RHOJ: variants seen among roughly 807,000 people sequenced by gnomAD.
RHOJ encodes the protein ras homolog family member J.
In RHOJ, 11 loss-of-function variants were observed where a neutral mutation model predicts 23.4. The ratio of observed to expected loss-of-function variants is 0.47; its 90% CI spans 0.30 to 0.78. The LOEUF is 0.78. RHOJ is among the 30% of genes least tolerant of loss of function. RHOJ has a pLI of 0.08. For synonymous variants in RHOJ, 102 were observed against 102.7 expected (o/e 0.99, Z 0.04); for missense variants, 254 against 273.4 (o/e 0.93, Z 0.50).
chr14:63,284,742 C>T (rs759086341), intron 4 of RHOJ, among the ~76,000 whole-genome samples: 3 of 152,174 alleles, frequency 2.0e-5, no homozygotes, highest in Non-Finnish European at 4.4e-5. Context: ...CCAGGATGTC[C>T]CCATTGGCCG....
chr14:63,269,173 A>G lies in RHOJ; in HGVS notation c.237+5A>G. 6.2e-7 allele frequency: 1 copy of G among 1,608,808 alleles called. No individual in the cohort carries two copies. Among genetic ancestry groups the G allele is most frequent in the African/African-American group, 1.3e-5 (1 of 74,920 alleles). On this transcript the variant is annotated splice_donor_5th_base_variant and intron_variant, in intron 2 of 4. Transcript: ENST00000316754. ...CTGTATGACACCGCGGGACAGGTAC[A>G]TTTTTATTATCTTGATTCATTGGAG...
At chr14:63,272,853 A>C (rs1345490481) in intron 2 of RHOJ, among the ~76,000 whole-genome samples, 1 of 152,160 alleles carries the variant, frequency 6.6e-6, no homozygotes, top group Non-Finnish European at 1.5e-5. Context: ...GTGAAACCCC[A>C]TCTCTACTAA....
chr14:63,249,893 G>C (rs1895039174), intron 1 of RHOJ, among the ~76,000 whole-genome samples: 1 of 152,178 alleles, frequency 6.6e-6, no homozygotes, highest in South Asian at 2.1e-4. Flanking sequence ...AACCACGTTA[G>C]AGACAAAGAT....
intron 1 of RHOJ, among the ~76,000 whole-genome samples, chr14:63,213,608 G>GTCTTTTTGGCATTATGCA: frequency 6.6e-6 from 1 of 152,158 alleles, no homozygotes; most frequent in East Asian, 1.9e-4. Context: ...GTAAGTTCAT[G>GTCTTTTTGGCATTATGCA]TGTCTTTTTG....
intron 4 of RHOJ, among the ~76,000 whole-genome samples, chr14:63,288,865 T>C (rs1882164410): frequency 6.6e-6 from 1 of 152,232 alleles, no homozygotes; most frequent in Admixed American, 6.5e-5. Flanking sequence ...TGGTTAGTTT[T>C]CATATTTGTG....
Position 63,222,580 on chromosome 14 carries a change from G to C in RHOJ, c.178+17533G>C, listed in dbSNP as rs1332631402. Among the ~76,000 whole-genome samples the C allele has an allele frequency of 4.6e-5, 7 of 152,330 alleles. No homozygotes were observed. In the East Asian group the frequency reaches 1.4e-3, roughly 29 times the overall value. On this transcript the variant is annotated intron_variant, in intron 1 of 4. Transcript: ENST00000316754. ...TTGCATTTCTCTGATGGCCAGTGAT[G>C]ATGAGCATTTTTTCATGTGTCTGTT...
chr14:63,205,085 C>A (rs764790974), intron 1 of RHOJ, 38 bp downstream of exon 1: 1 of 1,591,310 alleles, frequency 6.3e-7, no homozygotes, highest in South Asian at 1.2e-5. Context: ...TCCAGACAAA[C>A]GATGCAGGGG....
At chr14:63,224,512 T>C (rs17824335) in intron 1 of RHOJ, among the ~76,000 whole-genome samples, 8,052 of 152,198 alleles carry the variant, frequency 0.053, 259 homozygotes, top group East Asian at 0.11. Flanking sequence ...TCGTTCCTAA[T>C]CAAGCATGTA....
chr14:63,282,392 G>A (rs945814205), intron 3 of RHOJ, among the ~76,000 whole-genome samples: 1 of 151,606 alleles, frequency 6.6e-6, no homozygotes, highest in African/African-American at 2.4e-5. Flanking sequence ...TAAGACACAA[G>A]CCCTTGCTTT....
At chr14:63,289,355 T>C (rs1375405354) in intron 4 of RHOJ, among the ~76,000 whole-genome samples, 1 of 152,204 alleles carries the variant, frequency 6.6e-6, no homozygotes, top group Admixed American at 6.5e-5. Context: ...CCTCTCCCTA[T>C]TGTCTTGCGC....
chr14:63,241,060 T>A (rs1448204526), intron 1 of RHOJ, among the ~76,000 whole-genome samples: 2 of 152,216 alleles, frequency 1.3e-5, no homozygotes, highest in Non-Finnish European at 2.9e-5. Context: ...AAATACCAGA[T>A]AACAAAGACA....
intron 1 of RHOJ, among the ~76,000 whole-genome samples, chr14:63,264,863 T>C (rs1308448289): frequency 6.6e-6 from 1 of 152,178 alleles, no homozygotes; most frequent in Non-Finnish European, 1.5e-5. Flanking sequence ...AAAAAGTTTT[T>C]TGGTTTTTGC....
Position 63,281,029 on chromosome 14 carries a change from G to C in RHOJ, c.296G>C (p.Cys99Ser). The change falls in exon 3 of 5, where the codon TGC becomes TCC. Residue 99 changes from cysteine (C) to serine (S), a missense_variant. Physicochemically the swap from Cys to Ser is moderately radical, Grantham distance 112. Transcript: ENST00000316754. ...SYPNTDVFLI[C>S]FSVVNPASYH... ...CCCAACACGGATGTGTTTTTGATCT[G>C]CTTCTCTGTCGTAAACCCTGCCTCT... 1 of 1,614,084 alleles carries C rather than the reference G, an allele frequency of 6.2e-7. No individual in the cohort carries two copies. The highest frequency in any genetic ancestry group is 2.2e-5 in the East Asian group (1 of 44,866).
chr14:63,236,573 C>A (rs575377405), intron 1 of RHOJ, among the ~76,000 whole-genome samples: 1 of 152,230 alleles, frequency 6.6e-6, no homozygotes, highest in South Asian at 2.1e-4. Context: ...AAAAACCTGC[C>A]CCCATGATTC....
chr14:63,252,109 C>A (rs1203409016), intron 1 of RHOJ, among the ~76,000 whole-genome samples: 1 of 152,036 alleles, frequency 6.6e-6, no homozygotes, highest in Admixed American at 6.6e-5. Flanking sequence ...TAAATAGAGT[C>A]CAAAATGTGT....
At chr14:63,260,939 G>T (rs1441781295) in intron 1 of RHOJ, among the ~76,000 whole-genome samples, 2 of 151,968 alleles carry the variant, frequency 1.3e-5, no homozygotes, top group African/African-American at 4.8e-5. Flanking sequence ...CTGTCATGGG[G>T]GATACACTGC....
At chr14:63,290,809 A>T (rs1882225601) in intron 4 of RHOJ, 69 bp from the exon 5 acceptor site, 2 of 1,471,068 alleles carry the variant, frequency 1.4e-6, no homozygotes, top group Non-Finnish European at 1.8e-6. Context: ...TTGTCTGGGC[A>T]GTGAGTTGAT....
At chr14:63,223,662 G>T (rs1246779722) in intron 1 of RHOJ, among the ~76,000 whole-genome samples, 1 of 152,036 alleles carries the variant, frequency 6.6e-6, no homozygotes, top group Non-Finnish European at 1.5e-5. Context: ...GAGAAAACCA[G>T]AGACAGAGAT....
intron 1 of RHOJ, among the ~76,000 whole-genome samples, chr14:63,248,986 T>C (rs1451491813): frequency 2.6e-5 from 4 of 152,198 alleles, no homozygotes; most frequent in Non-Finnish European, 4.4e-5. Context: ...TTGGTCCCAA[T>C]TGGTCTGACT....
Sources: allele counts gnomAD v4.1 joint callset (sites outside exome capture counted in the v4.1 genomes callset), GRCh38; gene constraint gnomAD v4.1.1; transcripts MANE v1.5; gene names NCBI Gene and HGNC (gene_info 2026-07-23, HGNC 2026-07-21).